Variants in BLTP1 observed in about 807,000 individuals in gnomAD.
BLTP1 encodes fragile site-associated protein.
At chr4:122,269,341 T>C in the BLTP1 span, 37 of 884,340 alleles carry the variant, frequency 4.2e-5, no homozygotes, top group Non-Finnish European at 4.9e-5. Context: ...CATATAATAC[T>C]ACAACAGACT....
the BLTP1 span, among the ~76,000 whole-genome samples, chr4:122,173,838 C>T: frequency 5.3e-5 from 8 of 152,070 alleles, no homozygotes; most frequent in African/African-American, 1.7e-4. Context: ...GTTTGAAAAA[C>T]TTGGATATGT....
the BLTP1 span, among the ~76,000 whole-genome samples, chr4:122,157,658 G>A: frequency 1.3e-5 from 2 of 152,130 alleles, no homozygotes; most frequent in Non-Finnish European, 2.9e-5. Flanking sequence ...ACCAGTCTGC[G>A]GCCTGGGGGT....
chr4:122,217,939 A>T, the BLTP1 span, among the ~76,000 whole-genome samples: 1 of 152,030 alleles, frequency 6.6e-6, no homozygotes, highest in Non-Finnish European at 1.5e-5. Context: ...GGTTTAATCT[A>T]GGAGGGTTGC....
chr4:122,248,498 G>A, the BLTP1 span, among the ~76,000 whole-genome samples: 1 of 151,914 alleles, frequency 6.6e-6, no homozygotes, highest in Non-Finnish European at 1.5e-5. Context: ...TATAGGGAGG[G>A]GAACTAGGTG....
At chr4:122,272,894 A>G in the BLTP1 span, among the ~76,000 whole-genome samples, 1 of 152,098 alleles carries the variant, frequency 6.6e-6, no homozygotes, top group Admixed American at 6.6e-5. Flanking sequence ...TGTCAAATCC[A>G]GGAGCCCATC....
the BLTP1 span, chr4:122,223,972 G>A: frequency 3.8e-5 from 37 of 972,212 alleles, no homozygotes; most frequent in East Asian, 1.1e-4. Context: ...TTTGAAATAC[G>A]TGCTGCTTTT....
chr4:122,303,226 A>G, the BLTP1 span, among the ~76,000 whole-genome samples: 5 of 152,302 alleles, frequency 3.3e-5, no homozygotes, highest in South Asian at 2.1e-4. Context: ...ATCTCTGCCT[A>G]TGCTCTATCA....
At chr4:122,236,669 A>G in the BLTP1 span, 1 of 682,284 alleles carries the variant, frequency 1.5e-6, no homozygotes, top group Non-Finnish European at 1.8e-6. Context: ...TTCAAAGATT[A>G]ACCATCACAA....
At chr4:122,208,217 T>C in the BLTP1 span, 3 of 695,318 alleles carry the variant, frequency 4.3e-6, no homozygotes, top group Non-Finnish European at 5.3e-6. Flanking sequence ...ATGTAGTAAC[T>C]CAATTCTCAG....
At chr4:122,265,097 G>T in the BLTP1 span, among the ~76,000 whole-genome samples, 2 of 152,088 alleles carry the variant, frequency 1.3e-5, no homozygotes, top group African/African-American at 4.8e-5. Flanking sequence ...CAGGATAAAG[G>T]TGTCTTGAGC....
chr4:122,233,243 C>T, the BLTP1 span, among the ~76,000 whole-genome samples: 1 of 152,306 alleles, frequency 6.6e-6, no homozygotes, highest in East Asian at 1.9e-4. Context: ...GGAGAGCTAA[C>T]GTTTGTTGTG....
the BLTP1 span, chr4:122,189,178 G>T: frequency 1.3e-6 from 1 of 798,950 alleles, no homozygotes; most frequent in Non-Finnish European, 1.5e-6. Flanking sequence ...TCACTTAAGT[G>T]TGGAGATTAC....
the BLTP1 span, among the ~76,000 whole-genome samples, chr4:122,212,559 G>A: frequency 1.3e-4 from 19 of 151,950 alleles, 1 homozygote; most frequent in East Asian, 3.7e-3. Flanking sequence ...CTACTAGAGT[G>A]GTATTAACTT....
the BLTP1 span, chr4:122,271,221 A>G: frequency 6.2e-7 from 1 of 1,613,954 alleles, no homozygotes; most frequent in Non-Finnish European, 8.5e-7. Flanking sequence ...ATAAGCCAGC[A>G]TGTAGATATG....
chr4:122,214,616 CTTTTTTTTTTTTTTTTT>C, the BLTP1 span: 2 of 78,472 alleles, frequency 2.5e-5, no homozygotes, highest in Non-Finnish European at 3.7e-5. Context: ...TCAGTAAATT[CTTTTTTTTTTTTTTTTT>C]TTTTTTTTTG....
chr4:122,229,901 T>G, the BLTP1 span: 4 of 1,586,216 alleles, frequency 2.5e-6, no homozygotes, highest in South Asian at 1.1e-5. Context: ...GAAATTACAC[T>G]TTTGTTTCAT....
chr4:122,346,008 T>C, the BLTP1 span: 1 of 984,760 alleles, frequency 1.0e-6, no homozygotes. Context: ...GGTGGAAGGT[T>C]CTGGTAGACA....
the BLTP1 span, chr4:122,318,325 A>G: frequency 8.5e-6 from 12 of 1,415,896 alleles, no homozygotes; most frequent in African/African-American, 1.1e-4. Flanking sequence ...ACTTTTTCCT[A>G]TCATATCTAC....
the BLTP1 span, chr4:122,331,185 C>T: frequency 8.7e-6 from 12 of 1,385,006 alleles, no homozygotes; most frequent in African/African-American, 1.3e-4. Flanking sequence ...TAAAGTGTGG[C>T]TCCATTAAAC....
Sources: allele counts gnomAD v4.1 joint callset (sites outside exome capture counted in the v4.1 genomes callset), GRCh38; gene constraint gnomAD v4.1.1; transcripts MANE v1.5; gene names NCBI Gene and HGNC (gene_info 2026-07-23, HGNC 2026-07-21).